Variants in TPST1 observed in about 807,000 individuals in gnomAD.
TPST1 encodes tyrosylprotein sulfotransferase 1.
In TPST1, 20 loss-of-function variants were observed where a neutral mutation model predicts 34.8. The ratio of observed to expected loss-of-function variants is 0.57; its 90% CI spans 0.40 to 0.84. TPST1 has a LOEUF of 0.84. Among genes scored for constraint, TPST1 ranks in the 40% least tolerant of loss-of-function variants. The pLI, the probability that TPST1 is intolerant of heterozygous loss-of-function variation, is 0.00. For synonymous variants in TPST1, 152 were observed against 159.4 expected, an observed-to-expected ratio of 0.95 and a Z score of 0.35; for missense variants, 353 against 455.5, an observed-to-expected ratio of 0.78 and a Z score of 2.05.
intron 1 of TPST1, among the ~76,000 whole-genome samples, chr7:66,227,966 G>C (rs946496477): frequency 6.6e-6 from 1 of 152,124 alleles, no homozygotes; most frequent in African/African-American, 2.4e-5. Context: ...TGGAGAATCA[G>C]CCAAATAAAT....
intron 1 of TPST1, among the ~76,000 whole-genome samples, chr7:66,225,476 G>A (rs1475593666): frequency 6.6e-6 from 1 of 152,016 alleles, no homozygotes; most frequent in African/African-American, 2.4e-5. Flanking sequence ...GCTGGGCGTG[G>A]CGGCACATGC....
intron 3 of TPST1, among the ~76,000 whole-genome samples, chr7:66,340,705 T>G (rs979266984): frequency 1.3e-5 from 2 of 152,162 alleles, no homozygotes; most frequent in African/African-American, 4.8e-5. Flanking sequence ...ATCTCTGTGA[T>G]GAAAACTGTA....
chr7:66,302,088 T>C (rs1791329464), intron 3 of TPST1, among the ~76,000 whole-genome samples: 1 of 152,228 alleles, frequency 6.6e-6, no homozygotes, highest in Non-Finnish European at 1.5e-5. Flanking sequence ...AACTAGGTAA[T>C]ACTTTTTGTT....
intron 2 of TPST1, among the ~76,000 whole-genome samples, chr7:66,283,457 G>C (rs936428532): frequency 5.3e-5 from 8 of 152,034 alleles, no homozygotes; most frequent in Non-Finnish European, 8.8e-5. Flanking sequence ...AAGCCATATG[G>C]TCTCTTCCTC....
At chr7:66,358,201 T>C (rs891412555) in intron 5 of TPST1, among the ~76,000 whole-genome samples, 1 of 152,086 alleles carries the variant, frequency 6.6e-6, no homozygotes, top group Non-Finnish European at 1.5e-5. Context: ...TGAGCCGAGA[T>C]TGCAGCACTG....
chr7:66,261,326 C>G lies in TPST1; in HGVS notation c.845+20056C>G, dbSNP rs75187776. 3.0e-3 allele frequency among the ~76,000 whole-genome samples: 441 copies of G among 148,460 alleles called. 16 individuals carry two copies. In the East Asian group the frequency reaches 0.078, roughly 26 times the overall value. The stretch of plus-strand genomic sequence containing the variant: ...TATGGTCCTTTGAAAGATAAGCACT[C>G]TTTACTTTTTTCTGAAACCTTTTAT... On this transcript the variant is annotated intron_variant, in intron 2 of 5. Transcript: ENST00000304842.
Position 66,360,007 on chromosome 7 carries a change from C to T in TPST1, c.*142C>T, listed in dbSNP as rs749818570. The T allele has an allele frequency of 4.4e-6, 2 of 456,170 alleles. No individual in the cohort carries two copies. The highest frequency in any genetic ancestry group is 8.8e-6 in the Non-Finnish European group (2 of 226,658). The allele number at this position is 456,170 out of a possible 1,614,324, so 28.3% of individuals were successfully genotyped here. The stretch of plus-strand genomic sequence containing the variant: ...CGCCGCCTGTGCATTTGCCAGTTTC[C>T]TCCCACTGAGAGGATGGAGGTGTCC... On this transcript the variant is annotated 3_prime_UTR_variant, in exon 6 of 6. Coordinates refer to ENST00000304842, the MANE Select transcript of TPST1 (RefSeq NM_003596.4).
At chr7:66,279,329 T>C (rs1377832605) in intron 2 of TPST1, among the ~76,000 whole-genome samples, 1 of 152,220 alleles carries the variant, frequency 6.6e-6, no homozygotes, top group Non-Finnish European at 1.5e-5. Context: ...TCCAGTCCAC[T>C]GTTGTGGGCA....
intron 1 of TPST1, among the ~76,000 whole-genome samples, chr7:66,215,694 A>T (rs1479499975): frequency 6.6e-6 from 1 of 150,694 alleles, no homozygotes; most frequent in African/African-American, 2.4e-5. Flanking sequence ...ATTTTTAAGA[A>T]GAATTAGTGT....
At chr7:66,226,912 C>G (rs1293131831) in intron 1 of TPST1, among the ~76,000 whole-genome samples, 1 of 150,986 alleles carries the variant, frequency 6.6e-6, no homozygotes, top group African/African-American at 2.4e-5. Flanking sequence ...GGATGATAAG[C>G]TATTATCATC....
At chr7:66,210,271 TAAAC>T (rs1163985777) in intron 1 of TPST1, among the ~76,000 whole-genome samples, 6 of 152,016 alleles carry the variant, frequency 3.9e-5, no homozygotes, top group African/African-American at 1.2e-4. Context: ...TACAGGAAAA[TAAAC>T]AAATTTTGAG....
chr7:66,221,942 G>C (rs6944374), intron 1 of TPST1, among the ~76,000 whole-genome samples: 100,949 of 152,026 alleles, frequency 0.66, 33,928 homozygotes, highest in African/African-American at 0.76. Context: ...TTTTTCATCA[G>C]TTCCAGATTA....
intron 1 of TPST1, among the ~76,000 whole-genome samples, chr7:66,227,307 A>C (rs1648451133): frequency 6.6e-6 from 1 of 152,128 alleles, no homozygotes; most frequent in Admixed American, 6.5e-5. Context: ...CTGGGATTAC[A>C]GGCGTGAGCC....
Position 66,205,406 on chromosome 7 carries a change from T to A in TPST1, c.-218T>A, listed in dbSNP as rs1282465599. The A allele has an allele frequency of 1.3e-5, 2 of 152,374 alleles. No homozygotes were observed. The highest frequency in any genetic ancestry group is 2.9e-5 in the Non-Finnish European group (2 of 68,184). The allele number at this position is 152,374 out of a possible 1,614,324, so 9.4% of individuals were successfully genotyped here. ...TGCGGGGCCGGTCCAGGCTGGCAGC[T>A]GCCGGCGCTTGGCGGTGAGGGCGGG... is the stretch of plus-strand genomic sequence containing the variant. On this transcript the variant is annotated 5_prime_UTR_variant, in exon 1 of 6. Transcript: ENST00000304842. This position sits in a 1 kb window ranked among gnomAD's most constrained non-coding sequence, Gnocchi z 5.0.
chr7:66,226,446 A>G (rs1435470245), intron 1 of TPST1, among the ~76,000 whole-genome samples: 1 of 152,216 alleles, frequency 6.6e-6, no homozygotes, highest in African/African-American at 2.4e-5. Flanking sequence ...GATGATCTAA[A>G]GACCCCTCTT....
intron 3 of TPST1, among the ~76,000 whole-genome samples, chr7:66,311,572 A>C (rs1207835440): frequency 6.6e-6 from 1 of 152,188 alleles, no homozygotes; most frequent in Admixed American, 6.5e-5. Flanking sequence ...CATCACTTTA[A>C]GGCTTCGATT....
rs71051352 is a variant in TPST1, at chr7:66,347,059, C to CTTTTTTTTTTTTTTTTTTTTT, written c.1045-5440_1045-5420dup. 6.7e-5 allele frequency among the ~76,000 whole-genome samples: 4 copies of CTTTTTTTTTTTTTTTTTTTTT among 59,960 alleles called. 1 individual carries two copies. Among genetic ancestry groups the CTTTTTTTTTTTTTTTTTTTTT allele is most frequent in the East Asian group, 5.4e-4 (1 of 1,848 alleles). The allele number at this position is 59,960 out of a possible 152,430, so 39.3% of individuals were successfully genotyped here. ...TTTCTTCTTTTTTTCCTTTGCTTTT[C>CTTTTTTTTTTTTTTTTTTTTT]TTTTTTTTTTTTTTTTTTTTTTTTT... On this transcript the variant is annotated intron_variant, in intron 3 of 5. Transcript: ENST00000304842.
At chr7:66,311,661 G>T (rs994725158) in intron 3 of TPST1, among the ~76,000 whole-genome samples, 6 of 152,160 alleles carry the variant, frequency 3.9e-5, no homozygotes, top group Admixed American at 1.3e-4. Flanking sequence ...GATCTGGCTT[G>T]TATCCAGGAA....
At chr7:66,226,747 G>A (rs1789664090) in intron 1 of TPST1, among the ~76,000 whole-genome samples, 1 of 152,132 alleles carries the variant, frequency 6.6e-6, no homozygotes, top group African/African-American at 2.4e-5. Context: ...TGTGTCCGTT[G>A]ACAACTAACA....
Sources: allele counts gnomAD v4.1 joint callset (sites outside exome capture counted in the v4.1 genomes callset), GRCh38; gene constraint gnomAD v4.1.1; non-coding constraint Gnocchi (gnomAD v3.1); transcripts MANE v1.5; gene names NCBI Gene and HGNC (gene_info 2026-07-23, HGNC 2026-07-21).